LEPR: variants seen among roughly 807,000 people sequenced by gnomAD.
The protein encoded by LEPR is OB receptor.
Under a neutral mutation model 114.7 loss-of-function variants are expected in LEPR, and 56 were observed. The ratio of observed to expected loss-of-function variants is 0.49; its 90% CI spans 0.39 to 0.61. The LOEUF (loss-of-function observed/expected upper bound fraction) is 0.61, where lower values mean the gene tolerates loss of function less well. Among genes scored for constraint, LEPR ranks in the 20% least tolerant of loss-of-function variants. LEPR has a pLI of 0.00. For synonymous variants in LEPR, 443 were observed against 461.4 expected (o/e 0.96, Z 0.51); for missense variants, 1,202 against 1,352.9 (o/e 0.89, Z 1.75).
chr1:65,607,075 A>G (rs1570803587), intron 11 of LEPR, among the ~76,000 whole-genome samples: 1 of 152,336 alleles, frequency 6.6e-6, no homozygotes, highest in East Asian at 1.9e-4. Context: ...AGCATGATTT[A>G]TAAGACATGG....
intron 5 of LEPR, among the ~76,000 whole-genome samples, chr1:65,578,939 C>T (rs972747385): frequency 2.0e-5 from 3 of 152,110 alleles, no homozygotes; most frequent in Admixed American, 6.5e-5. Context: ...GAGGAGGAAC[C>T]CAGATATAGT....
In LEPR at chr1:65,520,873, G is replaced by A. The variant is rs1327134854; in HGVS notation, c.-20-44673G>A. On this transcript the variant is annotated intron_variant, in intron 2 of 19. Transcript: ENST00000349533. Reference sequence around the variant, plus strand: ...TGAATATGTCCTTAAGGCACAGATCGCTCATGCTATTGCTTGTGGTTTAAG... The same window carrying A: ...TGAATATGTCCTTAAGGCACAGATCACTCATGCTATTGCTTGTGGTTTAAG... Among the ~76,000 whole-genome samples the A allele has an allele frequency of 5.3e-5, 8 of 152,356 alleles. No homozygotes were observed. The Middle Eastern group carries it at 0.014, about 259-fold the overall frequency.
At chr1:65,429,903 C>G (rs879134302) in intron 2 of LEPR, 1 of 1,536,032 alleles carries the variant, frequency 6.5e-7, no homozygotes, top group Non-Finnish European at 8.9e-7. Flanking sequence ...CACGCCATCT[C>G]CCCCATCCCC....
At chr1:65,524,319 G>A (rs769660874) in intron 2 of LEPR, among the ~76,000 whole-genome samples, 1 of 152,158 alleles carries the variant, frequency 6.6e-6, no homozygotes, top group Admixed American at 6.5e-5. Flanking sequence ...AGATTTGGTG[G>A]AAATCCAAGG....
chr1:65,509,776 TCTGACTTTACCTTAAGAAAAA>T (rs1211300429), intron 2 of LEPR, among the ~76,000 whole-genome samples: 4 of 152,230 alleles, frequency 2.6e-5, no homozygotes. Flanking sequence ...CTTTCTGTTT[TCTGACTTTACCTTAAGAAAAA>T]CACAGAGCAA....
chr1:65,601,125 A>G (rs1172322556), intron 8 of LEPR, among the ~76,000 whole-genome samples: 2 of 152,028 alleles, frequency 1.3e-5, no homozygotes, highest in Non-Finnish European at 2.9e-5. Flanking sequence ...TTACTGGCTA[A>G]AACATATTTT....
At chr1:65,452,977 G>A (rs1320468265) in intron 2 of LEPR, among the ~76,000 whole-genome samples, 1 of 152,236 alleles carries the variant, frequency 6.6e-6, no homozygotes, top group African/African-American at 2.4e-5. Flanking sequence ...GGTGTATTCA[G>A]AGATTCAACT....
intron 2 of LEPR, chr1:65,434,194 T>G: frequency 1.0e-6 from 1 of 983,362 alleles, no homozygotes. Context: ...AGAGAGCTAT[T>G]CTGCAGTGCC....
chr1:65,483,122 C>A (rs886659335), intron 2 of LEPR, among the ~76,000 whole-genome samples: 4 of 151,938 alleles, frequency 2.6e-5, no homozygotes, highest in African/African-American at 9.7e-5. Context: ...TAAATTTGAG[C>A]ACATTAAGAA....
intron 2 of LEPR, among the ~76,000 whole-genome samples, chr1:65,456,975 T>G (rs982176650): frequency 6.6e-6 from 1 of 152,222 alleles, no homozygotes; most frequent in African/African-American, 2.4e-5. Flanking sequence ...CCATATCTAT[T>G]GTATCTGTTT....
intron 2 of LEPR, among the ~76,000 whole-genome samples, chr1:65,453,641 C>G (rs1461569475): frequency 4.6e-5 from 7 of 152,102 alleles, no homozygotes; most frequent in East Asian, 1.9e-4. Context: ...TGTGGTCTGA[C>G]AGACAGTTTG....
At chr1:65,544,749 C>T (rs996634794) in intron 2 of LEPR, among the ~76,000 whole-genome samples, 8 of 150,596 alleles carry the variant, frequency 5.3e-5, no homozygotes, top group Admixed American at 3.3e-4. Context: ...AGCCTTAAAA[C>T]GGGGTGAAAT....
In LEPR at chr1:65,473,903, G is replaced by A. The variant is rs114103909; in HGVS notation, c.-21+48525G>A. ...TATAAGAAATTGAAAAATTCATGTT[G>A]TCTAATCAATATTACATTTTAGCCA... On this transcript the variant is annotated intron_variant, in intron 2 of 19. Transcript: ENST00000349533. 5.0e-3 allele frequency among the ~76,000 whole-genome samples: 759 copies of A among 152,208 alleles called. 8 individuals are homozygous for A. The highest frequency in any genetic ancestry group is 0.018 in the African/African-American group (731 of 41,536).
intron 2 of LEPR, among the ~76,000 whole-genome samples, chr1:65,549,893 T>G (rs1404585037): frequency 2.0e-5 from 3 of 152,200 alleles, no homozygotes; most frequent in East Asian, 1.9e-4. Flanking sequence ...GGCGCTCTGC[T>G]TTTTAGAGTT....
intron 14 of LEPR, among the ~76,000 whole-genome samples, chr1:65,613,759 CAA>C (rs754145031): frequency 9.3e-5 from 3 of 32,272 alleles, no homozygotes; most frequent in African/African-American, 5.4e-4. Flanking sequence ...GACTCCGTCT[CAA>C]AAAAAAAAAA....
intron 2 of LEPR, among the ~76,000 whole-genome samples, chr1:65,444,583 G>T (rs1217714574): frequency 1.4e-5 from 2 of 138,958 alleles, no homozygotes; most frequent in African/African-American, 5.2e-5. Context: ...GGTGGAGGCG[G>T]GCGGGGGGTG....
intron 3 of LEPR, among the ~76,000 whole-genome samples, chr1:65,569,094 C>G (rs946108627): frequency 6.6e-6 from 1 of 151,966 alleles, no homozygotes; most frequent in Non-Finnish European, 1.5e-5. Context: ...ATGCATAGTT[C>G]TGGAAGAGTG....
chr1:65,633,577 G>T lies in LEPR; in HGVS notation c.2674-2614G>T, dbSNP rs1298632747. 1.0e-6 allele frequency: 1 copy of T among 995,728 alleles called. No individual in the cohort carries two copies. The highest frequency in any genetic ancestry group is 1.7e-5 in the African/African-American group (1 of 57,632). The allele number at this position is 995,728 out of a possible 1,614,324, so 61.7% of individuals were successfully genotyped here. A position where few individuals can be genotyped will look rare whatever the true frequency, so the allele number is the denominator to read the frequency against. On this transcript the variant is annotated intron_variant, in intron 19 of 19. Coordinates refer to ENST00000349533, the MANE Select transcript of LEPR (RefSeq NM_002303.6). The surrounding 1 kb of genome is among the most constrained non-coding windows in gnomAD (Gnocchi z 4.1). ...GGTGAACTCTAAAACTGCAACATCT[G>T]ACAAATAGCTTTAAAAATACAATGA...
chr1:65,626,638 T>C (rs1397558463), intron 19 of LEPR, among the ~76,000 whole-genome samples: 1 of 152,202 alleles, frequency 6.6e-6, no homozygotes, highest in Non-Finnish European at 1.5e-5. Context: ...TCCTAAACAA[T>C]TAAAATGTAC....
Sources: gnomAD v4.1 joint callset for allele counts (sites outside exome capture counted in the v4.1 genomes callset) on GRCh38, gnomAD v4.1.1 for gene constraint, Gnocchi (gnomAD v3.1) non-coding constraint, MANE v1.5 for transcripts, NCBI Gene and HGNC (gene_info 2026-07-23, HGNC 2026-07-21) for gene names.